Variants in GRM4 observed in about 807,000 individuals in gnomAD.
GRM4 encodes the protein glutamate metabotropic receptor 4.
In GRM4, 28 loss-of-function variants were observed where a neutral mutation model predicts 81.7. The ratio of observed to expected loss-of-function variants is 0.34; its 90% CI spans 0.25 to 0.47. The LOEUF is 0.47. GRM4 is among the 20% of genes least tolerant of loss of function. GRM4 has a pLI of 1.00. For missense variants in GRM4, 948 were observed against 1,290.0 expected (o/e 0.73, Z 4.06); for synonymous variants, 488 against 528.8 (o/e 0.92, Z 1.06).
chr6:34,026,869 C>T (rs1764159064), intron 10 of GRM4, among the ~76,000 whole-genome samples: 1 of 152,240 alleles, frequency 6.6e-6, no homozygotes, highest in Non-Finnish European at 1.5e-5. Flanking sequence ...CCTGCTCCTG[C>T]ACGCAGCAGA....
chr6:34,030,147 G>A (rs545310703), intron 9 of GRM4, among the ~76,000 whole-genome samples: 11 of 152,370 alleles, frequency 7.2e-5, no homozygotes, highest in South Asian at 2.1e-4. Flanking sequence ...AGAAGCTCCA[G>A]AGCATCAAAA....
intron 10 of GRM4, among the ~76,000 whole-genome samples, chr6:34,026,214 C>T (rs972973387): frequency 1.3e-5 from 2 of 152,198 alleles, no homozygotes; most frequent in African/African-American, 4.8e-5. Flanking sequence ...AAAAATGTCC[C>T]TGTTCCACAG....
Position 34,133,163 on chromosome 6 carries a change from C to T in GRM4, c.334G>A (p.Asp112Asn), listed in dbSNP as rs780951255. ...AGCGACTGCTCGAGGGCATGGGTGT[C>T]CCTGGAGCAGGTGTCCAGAATGCGG... ...GARILDTCSR[D>N]THALEQSLTF... Residue 112 changes from aspartate to asparagine, a missense_variant, in exon 2 of 11, where the codon GAC (aspartate) becomes AAC (asparagine). Asp to Asn is a conservative substitution (Grantham distance 23, BLOSUM62 1). Transcript: ENST00000538487. The surrounding 1 kb of genome is among the most constrained non-coding windows in gnomAD (Gnocchi z 6.5). 8.7e-6 allele frequency: 14 copies of T among 1,613,978 alleles called. No individual in the cohort carries two copies. Among genetic ancestry groups the T allele is most frequent in the Non-Finnish European group, 1.2e-5 (14 of 1,179,880 alleles).
intron 3 of GRM4, among the ~76,000 whole-genome samples, chr6:34,082,189 C>T (rs2127479199): frequency 6.6e-6 from 1 of 152,056 alleles, no homozygotes; most frequent in South Asian, 2.1e-4. Context: ...AGTGAAGAGG[C>T]TCAGTAAGGA....
chr6:34,056,773 C>G, intron 5 of GRM4, 89 bp from the exon 6 acceptor site: 1 of 1,431,174 alleles, frequency 7.0e-7, no homozygotes, highest in Non-Finnish European at 9.5e-7. Context: ...AAGAGATGGT[C>G]CAGGCGGAGG....
chr6:34,083,185 A>G (rs760086322), intron 3 of GRM4, among the ~76,000 whole-genome samples: 1 of 152,156 alleles, frequency 6.6e-6, no homozygotes, highest in Non-Finnish European at 1.5e-5. Flanking sequence ...GGACGAGCGC[A>G]TCAGGCAGAG....
chr6:34,116,199 C>T (rs1222482075), intron 2 of GRM4, among the ~76,000 whole-genome samples: 1 of 152,224 alleles, frequency 6.6e-6, no homozygotes, highest in African/African-American at 2.4e-5. Flanking sequence ...CCGCCTAGAA[C>T]TGCAGAATGA....
rs572622490 is a variant in GRM4, at chr6:34,072,827, A to G, written c.737-10799T>C. 1.4e-3 allele frequency among the ~76,000 whole-genome samples: 203 copies of G among 149,618 alleles called. 2 individuals carry two copies. Among genetic ancestry groups the G allele is most frequent in the Middle Eastern group, 7.0e-3 (2 of 284 alleles). ...ATATACACACCACACACAACCACACATCACCACACAGATACACACCACACA... is the reference window on the plus strand; with the variant it reads ...ATATACACACCACACACAACCACACGTCACCACACAGATACACACCACACA... On this transcript the variant is annotated intron_variant, in intron 3 of 10. Transcript: ENST00000538487.
At chr6:34,148,783 C>T (rs1247831270), upstream of GRM4, among the ~76,000 whole-genome samples, 1 of 152,162 alleles carries the variant, frequency 6.6e-6, no homozygotes, top group African/African-American at 2.4e-5. Flanking sequence ...AGGGGCTGGG[C>T]CAAGGTCTCC....
rs897583315 is a variant in GRM4 at position 34,042,730 on chromosome 6, G to A, written c.1169-1982C>T. On this transcript the variant is annotated intron_variant, in intron 6 of 10. Transcript: ENST00000538487. The surrounding 1 kb of genome is among the most constrained non-coding windows in gnomAD (Gnocchi z 4.2). Reference sequence around the variant, plus strand: ...GGTCCACATGAGGCAGTGATTCCCCGGGGACTCCAGAGGTCACTGTGTCCA... The same window carrying A: ...GGTCCACATGAGGCAGTGATTCCCCAGGGACTCCAGAGGTCACTGTGTCCA... Among the ~76,000 whole-genome samples the A allele has an allele frequency of 1.9e-4, 29 of 152,096 alleles. No individual in the cohort carries two copies. The highest frequency in any genetic ancestry group is 2.2e-4 in the African/African-American group (9 of 41,404).
chr6:34,022,930 T>C lies in GRM4; in HGVS notation c.2690-60A>G. 1.5e-6 allele frequency: 2 copies of C among 1,319,230 alleles called. No individual in the cohort carries two copies. Among genetic ancestry groups the C allele is most frequent in the South Asian group, 1.2e-5 (1 of 85,218 alleles). The allele number at this position is 1,319,230 out of a possible 1,614,324, so 81.7% of individuals were successfully genotyped here. A position where few individuals can be genotyped will look rare whatever the true frequency, so the allele number is the denominator to read the frequency against. On this transcript the variant is annotated intron_variant, in intron 10 of 10. Transcript: ENST00000538487. This position sits in a 1 kb window ranked among gnomAD's most constrained non-coding sequence, Gnocchi z 5.6. ...AGGGGCTGCTTTTCTCAAACTGTCCTTCCACATGGGCACAGCCCTGCACAA... is the reference window on the plus strand; with the variant it reads ...AGGGGCTGCTTTTCTCAAACTGTCCCTCCACATGGGCACAGCCCTGCACAA...
chr6:34,041,928 A>G (rs1765037048), intron 6 of GRM4, among the ~76,000 whole-genome samples: 1 of 152,212 alleles, frequency 6.6e-6, no homozygotes, highest in African/African-American at 2.4e-5. Context: ...TCTCACAACA[A>G]TGCTAAGGTG....
chr6:34,046,314 A>G (rs989485470), intron 6 of GRM4, among the ~76,000 whole-genome samples: 4 of 152,212 alleles, frequency 2.6e-5, no homozygotes, highest in Admixed American at 2.6e-4. Flanking sequence ...GTACATATAA[A>G]TGCTTCTAAT....
intron 10 of GRM4, among the ~76,000 whole-genome samples, chr6:34,024,927 C>T (rs549006320): frequency 1.3e-5 from 2 of 152,246 alleles, no homozygotes; most frequent in Admixed American, 1.3e-4. Context: ...TTCCAGGGTG[C>T]TGGATGACCA....
At position 34,044,789 on chromosome 6, in the gene GRM4, G is replaced by T. The variant is rs1002175857; in HGVS notation, c.1169-4041C>A. Among the ~76,000 whole-genome samples, 13 of 125,186 alleles carry T rather than the reference G, an allele frequency of 1.0e-4. 1 individual carries two copies. The highest frequency in any genetic ancestry group is 4.7e-4 in the East Asian group (2 of 4,242). The allele number at this position is 125,186 out of a possible 152,430, so 82.1% of individuals were successfully genotyped here. ...ACATAGACATACACATACACACACA[G>T]ACATACATACATACACATATATAGT... On this transcript the variant is annotated intron_variant, in intron 6 of 10. Transcript: ENST00000538487.
chr6:34,099,970 G>A (rs986130735), intron 2 of GRM4: 42 of 786,154 alleles, frequency 5.3e-5, no homozygotes, highest in Non-Finnish European at 6.0e-5. Flanking sequence ...CCGGGAATTC[G>A]AATCAGCCCT....
intron 2 of GRM4, among the ~76,000 whole-genome samples, chr6:34,107,348 C>T (rs146061574): frequency 1.4e-4 from 22 of 152,254 alleles, no homozygotes; most frequent in African/African-American, 5.1e-4. Context: ...CAGAATATAC[C>T]TCCTGAGCAC....
At chr6:34,037,745 C>T (rs1396940568) in intron 8 of GRM4, among the ~76,000 whole-genome samples, 1 of 151,686 alleles carries the variant, frequency 6.6e-6, no homozygotes, top group East Asian at 1.9e-4. Context: ...CACCTATAAT[C>T]CTAGCTACTC....
intron 2 of GRM4, among the ~76,000 whole-genome samples, chr6:34,108,646 G>A (rs756448046): frequency 9.9e-5 from 15 of 152,262 alleles, no homozygotes; most frequent in Non-Finnish European, 1.6e-4. Flanking sequence ...GATTTGGGGT[G>A]GGCCTCTCCC....
Sources: allele counts gnomAD v4.1 joint callset (sites outside exome capture counted in the v4.1 genomes callset), GRCh38; gene constraint gnomAD v4.1.1; non-coding constraint Gnocchi (gnomAD v3.1); transcripts MANE v1.5; gene names NCBI Gene and HGNC (gene_info 2026-07-23, HGNC 2026-07-21).